The following PHLPP1 variants were observed in gnomAD, a reference collection of about 807,000 sequenced individuals.
The protein encoded by PHLPP1 is PH domain leucine-rich repeat-containing protein phosphatase 1.
Under a neutral mutation model 117.2 loss-of-function variants are expected in PHLPP1, and 42 were observed. The ratio of observed to expected loss-of-function variants is 0.36; its 90% confidence interval spans 0.28 to 0.46. PHLPP1 has a LOEUF of 0.46. PHLPP1 is among the 20% of genes least tolerant of loss of function. The pLI is 1.00. For missense variants in PHLPP1, 2,084 were observed against 2,241.9 expected (o/e 0.93, Z 1.42); for synonymous variants, 1,042 against 970.7 (o/e 1.07, Z -1.37).
chr18:62,890,235 T>C (rs1367679093), intron 4 of PHLPP1, among the ~76,000 whole-genome samples: 6 of 151,956 alleles, frequency 3.9e-5, no homozygotes, highest in African/African-American at 1.4e-4. Context: ...GTTTTTTTTC[T>C]CTCTTCCATT....
chr18:62,856,622 G>A (rs1915505486), intron 3 of PHLPP1, among the ~76,000 whole-genome samples: 1 of 151,914 alleles, frequency 6.6e-6, no homozygotes, highest in Non-Finnish European at 1.5e-5. Context: ...TAGTAGAGTT[G>A]GTGGTCTCAC....
chr18:62,779,249 A>G (rs1167746178), intron 1 of PHLPP1: 2 of 148,916 alleles, frequency 1.3e-5, no homozygotes, highest in Non-Finnish European at 3.0e-5. Context: ...TCTTTTCCAG[A>G]CCTTCAGATT....
intron 14 of PHLPP1, among the ~76,000 whole-genome samples, chr18:62,970,926 G>A (rs1911033664): frequency 6.6e-6 from 1 of 152,076 alleles, no homozygotes; most frequent in Admixed American, 6.6e-5. Context: ...CATCCTGCTG[G>A]TGGTAAATGC....
intron 3 of PHLPP1, among the ~76,000 whole-genome samples, chr18:62,840,998 T>A (rs918594316): frequency 6.6e-6 from 1 of 152,214 alleles, no homozygotes; most frequent in Non-Finnish European, 1.5e-5. Flanking sequence ...CAAGCAATTC[T>A]CCTACCTCAG....
chr18:62,870,204 C>A (rs1438144176), intron 4 of PHLPP1, among the ~76,000 whole-genome samples: 1 of 152,102 alleles, frequency 6.6e-6, no homozygotes, highest in Non-Finnish European at 1.5e-5. Flanking sequence ...CCACCAGTTT[C>A]TCTTTCATTA....
chr18:62,793,170 G>A (rs936100794), intron 1 of PHLPP1, among the ~76,000 whole-genome samples: 2 of 146,598 alleles, frequency 1.4e-5, no homozygotes, highest in African/African-American at 2.8e-5. Context: ...GCGAGACTCC[G>A]TCTCAGAAAA....
intron 3 of PHLPP1, among the ~76,000 whole-genome samples, chr18:62,851,436 C>T (rs1490464428): frequency 6.6e-6 from 1 of 152,124 alleles, no homozygotes; most frequent in Admixed American, 6.6e-5. Flanking sequence ...CATGCTCTTG[C>T]CCTCAACAGA....
At chr18:62,825,929 G>A (rs1425015807) in intron 1 of PHLPP1, among the ~76,000 whole-genome samples, 1 of 152,036 alleles carries the variant, frequency 6.6e-6, no homozygotes, top group Non-Finnish European at 1.5e-5. Flanking sequence ...AAGATAAAAG[G>A]CAAAGTGACG....
intron 2 of PHLPP1, 143 bp downstream of exon 2, chr18:62,830,374 G>A (rs1036386655): frequency 3.7e-5 from 23 of 629,230 alleles, no homozygotes; most frequent in African/African-American, 1.3e-4. Context: ...GATTACAGGC[G>A]TGCACCACCA....
chr18:62,957,792 T>A (rs1910660518), intron 12 of PHLPP1, among the ~76,000 whole-genome samples: 1 of 152,010 alleles, frequency 6.6e-6, no homozygotes. Flanking sequence ...CTCGGCTCAC[T>A]GCATCCTCCA....
chr18:62,877,153 A>G (rs1916068027), intron 4 of PHLPP1, among the ~76,000 whole-genome samples: 1 of 152,176 alleles, frequency 6.6e-6, no homozygotes, highest in Admixed American at 6.5e-5. Flanking sequence ...CTTATTTCCT[A>G]TTCTGCTCTT....
Position 62,978,421 on chromosome 18 carries a change from G to A in PHLPP1, c.4144G>A (p.Val1382Ile), listed in dbSNP as rs568717247. 2.2e-5 allele frequency: 35 copies of A among 1,612,052 alleles called. No homozygotes were observed. Among genetic ancestry groups the A allele is most frequent in the East Asian group, 1.6e-4 (7 of 44,796 alleles). ...TAAGGGGTTGTGGGACAGCCTGTCC[G>A]TCGAGGAGGCCGTGGAAGCCGTGCG... is the stretch of plus-strand genomic sequence containing the variant. The part of the protein sequence containing the change: ...GSKGLWDSLS[V>I]EEAVEAVRNV... The change falls in exon 17 of 17, where the codon GTC (valine) becomes ATC (isoleucine). Residue 1382 changes from valine to isoleucine, a missense_variant. Val to Ile is a conservative substitution (Grantham distance 29). This residue lies in a region of PHLPP1 where 1,365 missense variants were observed against 1,605.9 expected (regional missense o/e 0.85). Coordinates refer to ENST00000262719, the MANE Select transcript of PHLPP1 (RefSeq NM_194449.4). The surrounding 1 kb of genome is among the most constrained non-coding windows in gnomAD (Gnocchi z 7.0).
In PHLPP1 at chr18:62,978,333, G is replaced by A. The variant is rs1362558223; in HGVS notation, c.4056G>A (p.Val1352=). 19 of 1,613,152 alleles carry A rather than the reference G, an allele frequency of 1.2e-5. No homozygotes were observed. The highest frequency in any genetic ancestry group is 1.7e-5 in the Admixed American group (1 of 59,952). Residue 1352 remains valine (V), a synonymous_variant, in exon 17 of 17, where the codon GTG becomes GTA. Coordinates refer to ENST00000262719, the MANE Select transcript of PHLPP1 (RefSeq NM_194449.4). The surrounding 1 kb of genome is among the most constrained non-coding windows in gnomAD (Gnocchi z 7.0). The stretch of plus-strand genomic sequence containing the variant: ...ACACCTTCCTCCATCCCAGTGTGGT[G>A]CCTCGCCCCCACGTGCAGTCCGTGC... The part of the protein sequence containing the change: ...LGYTFLHPSV[V]PRPHVQSVLL...
rs565022782 is a variant in PHLPP1 at position 62,947,747 on chromosome 18, G to A, written c.3324+2476G>A. Among the ~76,000 whole-genome samples the A allele has an allele frequency of 1.2e-3, 184 of 152,300 alleles. 2 individuals carry two copies. The highest frequency in any genetic ancestry group is 6.8e-3 in the Middle Eastern group (2 of 294). ...TATTTGGTTTAAAATACAAATAGAG[G>A]CCTGGCTTGGTGGCTCACGCCTGTA... On this transcript the variant is annotated intron_variant, in intron 12 of 16. Coordinates refer to ENST00000262719, the MANE Select transcript of PHLPP1 (RefSeq NM_194449.4).
intron 1 of PHLPP1, among the ~76,000 whole-genome samples, chr18:62,802,603 G>A (rs1446420225): frequency 2.6e-5 from 4 of 152,104 alleles, no homozygotes. Flanking sequence ...AGTATCATAG[G>A]TACTTAACAA....
At chr18:62,835,895 C>G (rs1044890376) in intron 2 of PHLPP1, among the ~76,000 whole-genome samples, 1 of 150,744 alleles carries the variant, frequency 6.6e-6, no homozygotes, top group African/African-American at 2.4e-5. Context: ...ATTCTCCTGC[C>G]TCAGCCTCCT....
chr18:62,766,076 A>AATATATATATATATATAT lies in PHLPP1; in HGVS notation c.1576+48827_1576+48844dup, dbSNP rs60058262. ...ACTCCATCTCAAAAAAAAAAAAAAA[A>AATATATATATATATATAT]ATATATATATATATATATATATATA... On this transcript the variant is annotated intron_variant, in intron 1 of 16. Transcript: ENST00000262719. Among the ~76,000 whole-genome samples the AATATATATATATATATAT allele has an allele frequency of 1.3e-3, 28 of 21,618 alleles. 1 individual carries two copies. Among genetic ancestry groups the AATATATATATATATATAT allele is most frequent in the East Asian group, 6.7e-3 (2 of 300 alleles). The allele number at this position is 21,618 out of a possible 152,430, so 14.2% of individuals were successfully genotyped here.
Position 62,791,248 on chromosome 18 carries a change from A to G in PHLPP1, c.1577-38787A>G, listed in dbSNP as rs185433715. Among the ~76,000 whole-genome samples, 3 of 152,286 alleles carry G rather than the reference A, an allele frequency of 2.0e-5. No individual in the cohort carries two copies. In the East Asian group the frequency reaches 5.8e-4, roughly 29 times the overall value. ...AGATACGTAGTTTCTACTTACAAAC[A>G]AAAAGTCAGTAATGAGACTTGCTCA... On this transcript the variant is annotated intron_variant, in intron 1 of 16. Coordinates refer to ENST00000262719, the MANE Select transcript of PHLPP1 (RefSeq NM_194449.4).
chr18:62,882,946 TAA>T (rs35265223), intron 4 of PHLPP1, among the ~76,000 whole-genome samples: 15 of 121,490 alleles, frequency 1.2e-4, no homozygotes, highest in Admixed American at 2.6e-4. Flanking sequence ...GACCACATCT[TAA>T]AAAAAAAAAA....
Sources: allele counts gnomAD v4.1 joint callset (sites outside exome capture counted in the v4.1 genomes callset), GRCh38; gene constraint gnomAD v4.1.1; regional missense constraint gnomAD v4.1.1; non-coding constraint Gnocchi (gnomAD v3.1); transcripts MANE v1.5; gene names NCBI Gene and HGNC (gene_info 2026-07-23, HGNC 2026-07-21).